DYNC1H1: variants seen among roughly 807,000 people sequenced by gnomAD.
DYNC1H1 encodes cytoplasmic dynein 1 heavy chain 1.
DYNC1H1 carries 51 observed loss-of-function variants against 527.1 expected under a neutral mutation model. The ratio of observed to expected loss-of-function variants is 0.10; its 90% confidence interval spans 0.08 to 0.12. The LOEUF (loss-of-function observed/expected upper bound fraction) is 0.12, where lower values mean the gene tolerates loss of function less well. Ranked by LOEUF, DYNC1H1 falls within the 10% of genes least tolerant of loss-of-function variation. DYNC1H1 has a pLI of 1.00. For synonymous variants in DYNC1H1, 2,189 were observed against 2,278.8 expected (o/e 0.96, Z 1.12); for missense variants, 2,771 against 5,971.8 (o/e 0.46, Z 17.66).
chr14:101,989,414 C>G (rs1001792198), intron 10 of DYNC1H1, among the ~76,000 whole-genome samples: 2 of 152,206 alleles, frequency 1.3e-5, no homozygotes, highest in African/African-American at 4.8e-5. Flanking sequence ...CTGTGCCTCC[C>G]GAGCCATCTC....
intron 48 of DYNC1H1, 37 bp downstream of exon 48, chr14:102,028,178 A>G: frequency 6.2e-7 from 1 of 1,608,540 alleles, no homozygotes; most frequent in Non-Finnish European, 8.5e-7. Flanking sequence ...TAAACCACAA[A>G]ACTAACCATC....
chr14:102,035,847 GA>G (rs1332840095), intron 56 of DYNC1H1: 3 of 152,868 alleles, frequency 2.0e-5, no homozygotes. Context: ...AATAGGGTCA[GA>G]AAGGCAGGGC....
Position 102,041,222 on chromosome 14 carries a change from G to A in DYNC1H1, c.11942-352G>A. On this transcript the variant is annotated intron_variant, in intron 64 of 77. Transcript: ENST00000360184. The surrounding 1 kb of genome is among the most constrained non-coding windows in gnomAD (Gnocchi z 4.5). ...TTTGAGTGTGTTAGGCCAGACCCTG[G>A]GCTAGCCAGGCTGAGAGGAAGTGTC... 2.6e-6 allele frequency: 1 copy of A among 389,538 alleles called. No individual in the cohort carries two copies. The highest frequency in any genetic ancestry group is 2.2e-5 in the South Asian group (1 of 45,510). 24.1% of individuals were successfully genotyped at this position (389,538 alleles called of 1,614,324 possible).
At chr14:101,980,073 A>AC in intron 4 of DYNC1H1, 99 bp downstream of exon 4, 1 of 1,564,966 alleles carries the variant, frequency 6.4e-7, no homozygotes. Context: ...TTATGTGATA[A>AC]CTTGTTAGTG....
intron 15 of DYNC1H1, among the ~76,000 whole-genome samples, chr14:101,996,319 G>A (rs1256125000): frequency 6.6e-6 from 1 of 151,100 alleles, no homozygotes; most frequent in Non-Finnish European, 1.5e-5. Context: ...TAGCAGAGAC[G>A]GGGTTTCTCC....
chr14:101,991,723 G>A (rs773431660), intron 11 of DYNC1H1, 50 bp downstream of exon 11: 1 of 1,611,566 alleles, frequency 6.2e-7, no homozygotes, highest in Admixed American at 1.7e-5. Flanking sequence ...GACTCTCATG[G>A]GCTCTGTGAT....
In DYNC1H1 at chr14:101,965,721, C is replaced by T. The variant is rs181945044; in HGVS notation, c.256+774C>T. Among the ~76,000 whole-genome samples the T allele has an allele frequency of 1.3e-5, 2 of 151,922 alleles. No homozygotes were observed. Among genetic ancestry groups the T allele is most frequent in the East Asian group, 1.9e-4 (1 of 5,140 alleles). On this transcript the variant is annotated intron_variant, in intron 1 of 77. Coordinates refer to ENST00000360184, the MANE Select transcript of DYNC1H1 (RefSeq NM_001376.5). The surrounding 1 kb of genome is among the most constrained non-coding windows in gnomAD (Gnocchi z 4.1). ...TAGACTCAGTGTCTCAGCTCCCCAT[C>T]CACTGCTTGTTTTCACTGATCATAC...
intron 29 of DYNC1H1, among the ~76,000 whole-genome samples, chr14:102,008,984 T>C (rs1360551249): frequency 6.6e-6 from 1 of 152,226 alleles, no homozygotes; most frequent in East Asian, 1.9e-4. Flanking sequence ...TGTCCTCTGG[T>C]GCGGGCCCTT....
rs1287359925 is a variant in DYNC1H1, at chr14:102,047,639, G to GTATATA, written c.13007-177_13007-176insATATAT. The GTATATA allele has an allele frequency of 1.1e-4, 37 of 351,988 alleles. 3 individuals carry two copies. In the African/African-American group the frequency reaches 1.6e-3, roughly 15 times the overall value. 21.8% of individuals were successfully genotyped at this position (351,988 alleles called of 1,614,324 possible). ...TATACACGTGTGTGTGTGTGTGTGT[G>GTATATA]TGTATATATATATATATATATATAT... On this transcript the variant is annotated intron_variant, in intron 72 of 77. Transcript: ENST00000360184.
rs567653098 is a variant in DYNC1H1 at position 102,009,928 on chromosome 14, C to G, written c.6063C>G (p.Gly2021=). The G allele has an allele frequency of 6.2e-7, 1 of 1,614,002 alleles. No homozygotes were observed. The highest frequency in any genetic ancestry group is 8.5e-7 in the Non-Finnish European group (1 of 1,180,026). ...CCATCTTCATCACCATGAACCCTGG[C>G]TACGCGGGCCGGTCTAACCTTCCTG... ...DMAIFITMNP[G]YAGRSNLPDN... The change falls in exon 30 of 78, where the codon GGC becomes GGG. Residue 2021 remains glycine (G), a synonymous_variant. Transcript: ENST00000360184.
intron 16 of DYNC1H1, 149 bp from the exon 17 acceptor site, chr14:101,999,840 C>T: frequency 2.8e-6 from 3 of 1,064,790 alleles, no homozygotes; most frequent in Non-Finnish European, 4.2e-6. Flanking sequence ...CCAAAGTGGA[C>T]ATCTTGTTGA....
chr14:101,980,558 C>T lies in DYNC1H1; in HGVS notation c.961+8C>T. The stretch of plus-strand genomic sequence containing the variant: ...GTTTTGACACTGACACAGGTAACAA[C>T]TAGAACTAATAATCTGATCAGTAAG... On this transcript the variant is annotated splice_region_variant and intron_variant, in intron 5 of 77. Coordinates refer to ENST00000360184, the MANE Select transcript of DYNC1H1 (RefSeq NM_001376.5). 6.2e-7 allele frequency: 1 copy of T among 1,613,842 alleles called. No homozygotes were observed. The highest frequency in any genetic ancestry group is 8.5e-7 in the Non-Finnish European group (1 of 1,179,844).
At chr14:101,975,884 T>C (rs1271710059) in intron 2 of DYNC1H1, 85 bp downstream of exon 2, 16 of 1,120,382 alleles carry the variant, frequency 1.4e-5, no homozygotes, top group Admixed American at 1.0e-4. Context: ...AACTCAGAAA[T>C]TCTTACTAAG....
chr14:102,010,239 C>T lies in DYNC1H1; in HGVS notation c.6222-37C>T. 1 of 1,613,592 alleles carries T rather than the reference C, an allele frequency of 6.2e-7. No homozygotes were observed. On this transcript the variant is annotated intron_variant, in intron 30 of 77. Transcript: ENST00000360184. The surrounding 1 kb of genome is among the most constrained non-coding windows in gnomAD (Gnocchi z 6.0). ...TGACCCTATTATTGCTTAAAGTATA[C>T]TGTTATTAAAGATAGCCTTTTTTTC...
In DYNC1H1 at chr14:101,994,175, G is replaced by A; in HGVS notation, c.3016-9G>A. On this transcript the variant is annotated splice_polypyrimidine_tract_variant and intron_variant, in intron 11 of 77. Transcript: ENST00000360184. ...ACTGCTTGCATTCATTTCGGCTTTG[G>A]TTGGCTAGGTGGGTGTACATTACGA... The A allele has an allele frequency of 6.2e-7, 1 of 1,614,160 alleles. No homozygotes were observed. Among genetic ancestry groups the A allele is most frequent in the Non-Finnish European group, 8.5e-7 (1 of 1,180,034 alleles).
At chr14:102,030,694 T>TAAA in intron 51 of DYNC1H1, 1 of 261,506 alleles carries the variant, frequency 3.8e-6, no homozygotes, top group African/African-American at 2.3e-5. Flanking sequence ...AATTGCTAAT[T>TAAA]TAAGTATTGA....
At position 101,979,445 on chromosome 14, in the gene DYNC1H1, G is replaced by A; in HGVS notation, c.471G>A (p.Val157=). The stretch of plus-strand genomic sequence containing the variant: ...TGCATTCTTTCATTAGCAATGCAGT[G>A]GCTCCTTTTTTTAAGTCCTACATTA... ...ETLHSFISNA[V]APFFKSYIRE... The change falls in exon 3 of 78, where the codon GTG becomes GTA. Residue 157 remains valine (V), a synonymous_variant. Transcript: ENST00000360184. This position sits in a 1 kb window ranked among gnomAD's most constrained non-coding sequence, Gnocchi z 4.6. 6.2e-7 allele frequency: 1 copy of A among 1,614,182 alleles called. No individual in the cohort carries two copies. Among genetic ancestry groups the A allele is most frequent in the Non-Finnish European group, 8.5e-7 (1 of 1,180,038 alleles).
rs1283403651 is a variant in DYNC1H1, at chr14:102,053,132, T to C, written c.*2569T>C. The C allele has an allele frequency of 1.4e-5, 2 of 147,720 alleles. No individual in the cohort carries two copies. The highest frequency in any genetic ancestry group is 2.9e-5 in the Non-Finnish European group (2 of 67,884). The allele number at this position is 147,720 out of a possible 1,614,324, so 9.2% of individuals were successfully genotyped here. ...TTGCAGGCTCTGCCTTGCAAATGAA[T>C]TTTTCTTTCTTTTTTTTTTTTTTTT... On this transcript the variant is annotated 3_prime_UTR_variant, in exon 78 of 78. Coordinates refer to ENST00000360184, the MANE Select transcript of DYNC1H1 (RefSeq NM_001376.5).
intron 2 of DYNC1H1, among the ~76,000 whole-genome samples, chr14:101,978,123 C>T (rs1413081892): frequency 1.3e-5 from 2 of 152,172 alleles, no homozygotes; most frequent in Non-Finnish European, 2.9e-5. Context: ...GGTGCGATCT[C>T]GGCTCACTGC....
Sources: gnomAD v4.1 joint callset for allele counts (sites outside exome capture counted in the v4.1 genomes callset) on GRCh38, gnomAD v4.1.1 for gene constraint, Gnocchi (gnomAD v3.1) non-coding constraint, MANE v1.5 for transcripts, NCBI Gene and HGNC (gene_info 2026-07-23, HGNC 2026-07-21) for gene names.